The following RPS6KA2 variants were observed in gnomAD, a reference collection of about 807,000 sequenced individuals.
The protein encoded by RPS6KA2 is ribosomal protein S6 kinase alpha-2.
In RPS6KA2, 42 loss-of-function variants were observed where a neutral mutation model predicts 91.8. The observed-to-expected ratio is 0.46, with a 90% CI of 0.36 to 0.59. The LOEUF (loss-of-function observed/expected upper bound fraction) is 0.59, where lower values mean the gene tolerates loss of function less well. Among genes scored for constraint, RPS6KA2 ranks in the 20% least tolerant of loss-of-function variants. The pLI is 0.00. For missense variants in RPS6KA2, 798 were observed against 978.5 expected, an observed-to-expected ratio of 0.82 and a Z score of 2.46; for synonymous variants, 414 against 393.6, an observed-to-expected ratio of 1.05 and a Z score of -0.61.
Position 166,726,228 on chromosome 6 carries a change from A to G in RPS6KA2, c.123+131972T>C, listed in dbSNP as rs1790334246. Among the ~76,000 whole-genome samples, 1 of 152,116 alleles carries G rather than the reference A, an allele frequency of 6.6e-6. No individual in the cohort carries two copies. On this transcript the variant is annotated intron_variant, in intron 2 of 21. Transcript: ENST00000503859. The surrounding 1 kb of genome is among the most constrained non-coding windows in gnomAD (Gnocchi z 4.4). ...CCTAGCCACGGCCATCTGATGTGGT[A>G]GAAGAATAAACTGAAAAGCAGACAG...
intron 1 of RPS6KA2, among the ~76,000 whole-genome samples, chr6:166,578,451 C>T (rs1276906190): frequency 1.3e-5 from 2 of 152,220 alleles, no homozygotes; most frequent in Non-Finnish European, 2.9e-5. Flanking sequence ...GGGGCAAGCA[C>T]CTTAGCCCTC....
At position 166,419,834 on chromosome 6, in the gene RPS6KA2, C is replaced by G; in HGVS notation, c.1820+48G>C. 1 of 1,542,874 alleles carries G rather than the reference C, an allele frequency of 6.5e-7. No individual in the cohort carries two copies. Among genetic ancestry groups the G allele is most frequent in the Non-Finnish European group, 9.0e-7 (1 of 1,115,908 alleles). On this transcript the variant is annotated intron_variant, in intron 18 of 20. Transcript: ENST00000265678. This position sits in a 1 kb window ranked among gnomAD's most constrained non-coding sequence, Gnocchi z 5.6. ...TCCCCTGACAGATCAGCCACTGAGG[C>G]TGCTGCCCTGTGTCTCCTCCTGACA...
chr6:166,566,262 G>C (rs116913657), intron 1 of RPS6KA2, among the ~76,000 whole-genome samples: 20 of 152,182 alleles, frequency 1.3e-4, no homozygotes, highest in Admixed American at 1.1e-3. Flanking sequence ...AGCCTACATC[G>C]GTGTCCTTGC....
chr6:166,691,835 T>C (rs1156302430), intron 2 of RPS6KA2, among the ~76,000 whole-genome samples: 1 of 152,216 alleles, frequency 6.6e-6, no homozygotes, highest in Non-Finnish European at 1.5e-5. Context: ...ATCCATCTTC[T>C]ATACCCTTAC....
intron 2 of RPS6KA2, among the ~76,000 whole-genome samples, chr6:166,697,637 G>A (rs1789394861): frequency 6.6e-6 from 1 of 152,214 alleles, no homozygotes; most frequent in African/African-American, 2.4e-5. Flanking sequence ...TGGATGACCT[G>A]GTGGAGCAGA....
intron 14 of RPS6KA2, among the ~76,000 whole-genome samples, chr6:166,436,603 G>A (rs1488492478): frequency 1.3e-5 from 2 of 152,252 alleles, no homozygotes; most frequent in Non-Finnish European, 2.9e-5. Flanking sequence ...GTCCTGTGGT[G>A]TCTGTCTCGC....
chr6:166,781,212 C>T (rs546583691), intron 2 of RPS6KA2, among the ~76,000 whole-genome samples: 66 of 152,268 alleles, frequency 4.3e-4, no homozygotes, highest in African/African-American at 1.5e-3. Flanking sequence ...GTATTTAAGA[C>T]GAAGGTAGGT....
At position 166,507,982 on chromosome 6, in the gene RPS6KA2, G is replaced by A. The variant is rs115078144; in HGVS notation, c.459+221C>T. ...ACCCCACACATGCACATGCAGTCTC[G>A]CAACCCCCCACCACACATCATGCAC... is the stretch of plus-strand genomic sequence containing the variant. On this transcript the variant is annotated intron_variant, in intron 5 of 20. Transcript: ENST00000265678. 0.067 allele frequency among the ~76,000 whole-genome samples: 8,665 copies of A among 128,542 alleles called. 902 individuals carry two copies. The highest frequency in any genetic ancestry group is 0.24 in the African/African-American group (8,119 of 34,480). The allele number at this position is 128,542 out of a possible 152,430, so 84.3% of individuals were successfully genotyped here.
rs998485517 is a variant in RPS6KA2 at position 166,495,297 on chromosome 6, C to T, written c.747+3211G>A. 7.9e-5 allele frequency among the ~76,000 whole-genome samples: 12 copies of T among 151,962 alleles called. No individual in the cohort carries two copies. The highest frequency in any genetic ancestry group is 3.2e-3 in the Middle Eastern group (1 of 316). ...GCAACAGCCAGCCCTGCCTCGGGCT[C>T]GAGAGTGACACAGCAGTTCTGGAGC... is the stretch of plus-strand genomic sequence containing the variant. On this transcript the variant is annotated intron_variant, in intron 8 of 20. Coordinates refer to ENST00000265678, the MANE Select transcript of RPS6KA2 (RefSeq NM_021135.6). This position sits in a 1 kb window ranked among gnomAD's most constrained non-coding sequence, Gnocchi z 4.4.
chr6:166,446,313 C>T (rs1372908463), intron 14 of RPS6KA2, among the ~76,000 whole-genome samples: 2 of 152,154 alleles, frequency 1.3e-5, no homozygotes, highest in Non-Finnish European at 2.9e-5. Flanking sequence ...TAAAAAGTCC[C>T]GGGCCGTTCA....
chr6:166,496,814 C>T (rs1781802082), intron 8 of RPS6KA2, among the ~76,000 whole-genome samples: 1 of 152,182 alleles, frequency 6.6e-6, no homozygotes, highest in African/African-American at 2.4e-5. Context: ...TTGGGGTTCT[C>T]AGGAGGGGGT....
intron 2 of RPS6KA2, among the ~76,000 whole-genome samples, chr6:166,847,915 C>T (rs1780646271): frequency 6.6e-6 from 1 of 151,696 alleles, no homozygotes; most frequent in African/African-American, 2.4e-5. Context: ...ATAGATGGGA[C>T]TTAATTAAAT....
At chr6:166,785,196 G>C (rs1201035063) in intron 2 of RPS6KA2, among the ~76,000 whole-genome samples, 1 of 152,172 alleles carries the variant, frequency 6.6e-6, no homozygotes, top group Admixed American at 6.5e-5. Flanking sequence ...ACAATCTTCC[G>C]AATTCTTGAT....
intron 2 of RPS6KA2, among the ~76,000 whole-genome samples, chr6:166,637,545 G>C (rs1787286806): frequency 6.6e-6 from 1 of 152,240 alleles, no homozygotes; most frequent in African/African-American, 2.4e-5. Context: ...TCAGACTGCA[G>C]GCTGCCTGCG....
intron 2 of RPS6KA2, among the ~76,000 whole-genome samples, chr6:166,697,057 A>ATGTG (rs3071132): frequency 0.18 from 27,064 of 149,554 alleles, 2,390 homozygotes; most frequent in Non-Finnish European, 0.2. Flanking sequence ...GTGTATATAT[A>ATGTG]TGTGTGTGTG....
chr6:166,842,096 C>T (rs78158280), intron 2 of RPS6KA2, among the ~76,000 whole-genome samples: 3,440 of 152,218 alleles, frequency 0.023, 145 homozygotes, highest in African/African-American at 0.078. Context: ...TGCAACTCAT[C>T]GATTTTGGCT....
intron 2 of RPS6KA2, among the ~76,000 whole-genome samples, chr6:166,748,633 C>T (rs1250120105): frequency 1.5e-5 from 1 of 66,710 alleles, no homozygotes. Flanking sequence ...CCTCCTCAGG[C>T]CCCCATCCCC....
chr6:166,692,387 A>G (rs1789235603), intron 2 of RPS6KA2, among the ~76,000 whole-genome samples: 1 of 152,140 alleles, frequency 6.6e-6, no homozygotes, highest in Admixed American at 6.5e-5. Context: ...GTTCTGTCGA[A>G]CCCAGGGACC....
intron 2 of RPS6KA2, among the ~76,000 whole-genome samples, chr6:166,535,683 T>G (rs1783454927): frequency 6.6e-6 from 1 of 152,226 alleles, no homozygotes; most frequent in East Asian, 1.9e-4. Context: ...CAGGGAACAC[T>G]GGGTCTGCAC....
Sources: gnomAD v4.1 joint callset for allele counts (sites outside exome capture counted in the v4.1 genomes callset) on GRCh38, gnomAD v4.1.1 for gene constraint, Gnocchi (gnomAD v3.1) non-coding constraint, MANE v1.5 for transcripts, NCBI Gene and HGNC (gene_info 2026-07-23, HGNC 2026-07-21) for gene names.